The following SLC67A1 variants were observed in gnomAD, a reference collection of about 807,000 sequenced individuals.
The protein encoded by SLC67A1 is solute carrier family 67 member A1.
At chr11:2,909,624 C>G in the SLC67A1 span, 1 of 1,532,808 alleles carries the variant, frequency 6.5e-7, no homozygotes, top group Non-Finnish European at 8.7e-7. Flanking sequence ...AGGAGCGGCC[C>G]GCGGCCCTGG....
At chr11:2,909,458 C>A in the SLC67A1 span, 1 of 1,437,776 alleles carries the variant, frequency 7.0e-7, no homozygotes. Context: ...CGGGGTCTGG[C>A]CCTAAGGGCT....
chr11:2,904,331 G>A, the SLC67A1 span, among the ~76,000 whole-genome samples: 1 of 152,152 alleles, frequency 6.6e-6, no homozygotes, highest in Non-Finnish European at 1.5e-5. Flanking sequence ...TGGGCCTTTG[G>A]CACCATTCCG....
At chr11:2,922,025 T>A in the SLC67A1 span, 2 of 1,117,268 alleles carry the variant, frequency 1.8e-6, no homozygotes, top group South Asian at 2.5e-5. Context: ...GTCCCCAGCT[T>A]TGGGGGCTGG....
At chr11:2,905,148 A>G in the SLC67A1 span, among the ~76,000 whole-genome samples, 4 of 152,210 alleles carry the variant, frequency 2.6e-5, no homozygotes, top group Admixed American at 2.6e-4. Flanking sequence ...AGCTGGACAC[A>G]AGGCAGTTCA....
At chr11:2,900,509 C>T in the SLC67A1 span, among the ~76,000 whole-genome samples, 18 of 151,830 alleles carry the variant, frequency 1.2e-4, no homozygotes, top group East Asian at 3.9e-4. Context: ...CTGGCTAACA[C>T]GGTGAAACTC....
At chr11:2,919,327 T>A in the SLC67A1 span, 46 of 1,613,704 alleles carry the variant, frequency 2.9e-5, no homozygotes, top group Non-Finnish European at 3.6e-5. Context: ...GGTCATGTTC[T>A]CCATCATCTC....
chr11:2,919,991 C>G, the SLC67A1 span: 1 of 152,368 alleles, frequency 6.6e-6, no homozygotes, highest in African/African-American at 2.4e-5. Context: ...ACCTCCACCA[C>G]CAGCTCCTCT....
the SLC67A1 span, chr11:2,916,644 G>A: frequency 6.2e-7 from 1 of 1,612,474 alleles, no homozygotes; most frequent in Non-Finnish European, 8.5e-7. Flanking sequence ...GGCCATCCTG[G>A]CTGCCCTGGC....
chr11:2,921,259 TC>T, the SLC67A1 span: 2 of 143,730 alleles, frequency 1.4e-5, no homozygotes, highest in Admixed American at 1.4e-4. Flanking sequence ...GGTGTTAAAA[TC>T]CCAAAAAACC....
At chr11:2,900,777 G>A in the SLC67A1 span, among the ~76,000 whole-genome samples, 3 of 151,898 alleles carry the variant, frequency 2.0e-5, no homozygotes, top group Admixed American at 6.6e-5. Flanking sequence ...ACATCCATGC[G>A]GGAACACAGA....
the SLC67A1 span, among the ~76,000 whole-genome samples, chr11:2,917,764 G>A: frequency 2.0e-5 from 3 of 152,342 alleles, no homozygotes; most frequent in East Asian, 5.8e-4. Context: ...GGATTCAGGG[G>A]GCCCCTAGGA....
At chr11:2,918,182 C>G in the SLC67A1 span, 7 of 966,838 alleles carry the variant, frequency 7.2e-6, no homozygotes, top group African/African-American at 1.6e-5. Flanking sequence ...CTGGCCTGTG[C>G]CCCACAGGTC....
At chr11:2,913,122 CAGAT>C in the SLC67A1 span, among the ~76,000 whole-genome samples, 2 of 152,044 alleles carry the variant, frequency 1.3e-5, no homozygotes, top group African/African-American at 2.4e-5. Context: ...CTCTCGGGGG[CAGAT>C]AGATGCAGGG....
At chr11:2,908,571 A>G in the SLC67A1 span, among the ~76,000 whole-genome samples, 1 of 152,184 alleles carries the variant, frequency 6.6e-6, no homozygotes, top group Non-Finnish European at 1.5e-5. Flanking sequence ...TGACTGGTGA[A>G]CACCTCGTGG....
At chr11:2,917,888 G>A in the SLC67A1 span, 8 of 819,360 alleles carry the variant, frequency 9.8e-6, no homozygotes, top group East Asian at 2.7e-5. Context: ...TTACCCTGGC[G>A]GGCGCAACAG....
At chr11:2,918,997 CAG>C in the SLC67A1 span, 2 of 357,666 alleles carry the variant, frequency 5.6e-6, no homozygotes, top group South Asian at 6.1e-5. Flanking sequence ...GCTCTTATAA[CAG>C]AGAGCCGTGG....
the SLC67A1 span, chr11:2,924,938 G>A: frequency 4.7e-5 from 66 of 1,409,958 alleles, no homozygotes; most frequent in Non-Finnish European, 6.2e-5. This position sits in a 1 kb window ranked among gnomAD's most constrained non-coding sequence, Gnocchi z 8.6. Context: ...GGGAGGCCAT[G>A]GCTGTGTTCA....
At chr11:2,911,061 G>T in the SLC67A1 span, among the ~76,000 whole-genome samples, 42 of 152,278 alleles carry the variant, frequency 2.8e-4, no homozygotes, top group South Asian at 1.9e-3. Flanking sequence ...AGGGACCCGT[G>T]CCTCTACCGC....
the SLC67A1 span, chr11:2,909,667 A>C: frequency 1.3e-6 from 2 of 1,540,840 alleles, no homozygotes; most frequent in Non-Finnish European, 1.7e-6. Context: ...CGTCGGAGTC[A>C]TCCTCGGCTC....
Sources: allele counts gnomAD v4.1 joint callset (sites outside exome capture counted in the v4.1 genomes callset), GRCh38; gene constraint gnomAD v4.1.1; non-coding constraint Gnocchi (gnomAD v3.1); transcripts MANE v1.5; gene names NCBI Gene and HGNC (gene_info 2026-07-23, HGNC 2026-07-21).